Variants in CIITA observed in about 807,000 individuals in gnomAD.
The protein encoded by CIITA is MHC class II transactivator.
A neutral mutation model predicts 115.1 loss-of-function variants in CIITA; 72 were observed. The ratio of observed to expected loss-of-function variants is 0.63; its 90% CI spans 0.52 to 0.76. The LOEUF (loss-of-function observed/expected upper bound fraction) is 0.76. Among genes scored for constraint, CIITA ranks in the 30% least tolerant of loss-of-function variants. The pLI is 0.00. For synonymous variants in CIITA, 763 were observed against 635.6 expected, an observed-to-expected ratio of 1.20 and a Z score of -3.02; for missense variants, 1,617 against 1,463.8, an observed-to-expected ratio of 1.10 and a Z score of -1.71.
intron 1 of CIITA, among the ~76,000 whole-genome samples, chr16:10,885,953 G>A (rs1274729621): frequency 6.6e-6 from 1 of 151,806 alleles, no homozygotes; most frequent in East Asian, 1.9e-4. Flanking sequence ...TCACATGAGG[G>A]TTTTCTCTTC....
In CIITA at chr16:10,907,258, A is replaced by C; in HGVS notation, c.1766A>C (p.Glu589Ala). 1 of 1,613,304 alleles carries C rather than the reference A, an allele frequency of 6.2e-7. No homozygotes were observed. Among genetic ancestry groups the C allele is most frequent in the Non-Finnish European group, 8.5e-7 (1 of 1,179,948 alleles). Residue 589 changes from glutamate to alanine, a missense_variant, in exon 11 of 20, where the codon GAG becomes GCG. Glu to Ala is a moderately radical substitution (Grantham distance 107). Coordinates refer to ENST00000324288, the MANE Select transcript of CIITA (RefSeq NM_000246.4). This position sits in a 1 kb window ranked among gnomAD's most constrained non-coding sequence, Gnocchi z 5.0. ...MRYFESSGMTEHQDRALTLLR... is the reference protein window; with the variant it reads ...MRYFESSGMTAHQDRALTLLR... ...TACTTTGAGAGCTCAGGGATGACAG[A>C]GCACCAAGACAGAGCCCTGACGCTC...
upstream of CIITA, among the ~76,000 whole-genome samples, chr16:10,875,965 G>A (rs748412820): frequency 5.3e-5 from 8 of 152,114 alleles, no homozygotes; most frequent in Admixed American, 1.3e-4. Flanking sequence ...GCGCGACTCC[G>A]TCTCAAAAAA....
chr16:10,880,367 T>G (rs551974073), intron 1 of CIITA, among the ~76,000 whole-genome samples: 16 of 152,332 alleles, frequency 1.1e-4, no homozygotes, highest in African/African-American at 3.6e-4. Context: ...TGTTCGTTTG[T>G]GGGGCAAAAG....
rs768797910 is a variant in CIITA, at chr16:10,925,689, T to C, written c.*1834T>C. On this transcript the variant is annotated 3_prime_UTR_variant, in exon 20 of 20. Coordinates refer to ENST00000324288, the MANE Select transcript of CIITA (RefSeq NM_000246.4). ...ACCCTCCTTTCACCACATGTGCACA[T>C]GCACGTGTGTGCACGTACACACACA... 1 of 152,330 alleles carries C rather than the reference T, an allele frequency of 6.6e-6. No homozygotes were observed. The highest frequency in any genetic ancestry group is 1.5e-5 in the Non-Finnish European group (1 of 68,094). The allele number at this position is 152,330 out of a possible 1,614,324, so 9.4% of individuals were successfully genotyped here. A position where few individuals can be genotyped will look rare whatever the true frequency, so the allele number is the denominator to read the frequency against.
At chr16:10,893,839 A>T (rs2037848470) in intron 1 of CIITA, among the ~76,000 whole-genome samples, 1 of 137,430 alleles carries the variant, frequency 7.3e-6, no homozygotes, top group Non-Finnish European at 1.6e-5. Flanking sequence ...AAAAAAGTAG[A>T]GTTCAGTGTT....
Position 10,935,205 on chromosome 16 carries a change from G to A in CIITA, c.*11350G>A, listed in dbSNP as rs919677329. 1.3e-5 allele frequency: 2 copies of A among 152,228 alleles called. No homozygotes were observed. The highest frequency in any genetic ancestry group is 2.9e-5 in the Non-Finnish European group (2 of 68,048). 9.4% of individuals were successfully genotyped at this position (152,228 alleles called of 1,614,324 possible). On this transcript the variant is annotated 3_prime_UTR_variant, in exon 20 of 20. Transcript: ENST00000324288. ...ATATGTCCAACTGCAAAGCATGTAA[G>A]TAACAATTTTAGAGGGTATACGGAG...
chr16:10,884,187 G>A (rs1041768685), intron 1 of CIITA, among the ~76,000 whole-genome samples: 3 of 152,156 alleles, frequency 2.0e-5, no homozygotes, highest in African/African-American at 7.2e-5. Flanking sequence ...AAGCCCTTTG[G>A]CTAGGGATTG....
intron 13 of CIITA, among the ~76,000 whole-genome samples, chr16:10,914,005 T>G (rs1030997685): frequency 3.3e-5 from 5 of 149,984 alleles, no homozygotes; most frequent in African/African-American, 1.2e-4. Flanking sequence ...AAAAACTCCA[T>G]CCCCCTCACC....
chr16:10,906,415 T>C, intron 10 of CIITA, 84 bp from the exon 11 acceptor site: 4 of 1,419,650 alleles, frequency 2.8e-6, no homozygotes, highest in Non-Finnish European at 3.9e-6. Flanking sequence ...ATGTAAATGA[T>C]GGTGGCAGTG....
upstream of CIITA, among the ~76,000 whole-genome samples, chr16:10,873,108 G>A (rs2035595531): frequency 6.6e-6 from 1 of 152,168 alleles, no homozygotes; most frequent in Non-Finnish European, 1.5e-5. Flanking sequence ...AAGTAGCTGG[G>A]ACTACAGGCA....
In CIITA at chr16:10,935,009, A is replaced by G. The variant is rs2040969234; in HGVS notation, c.*11154A>G. 1.3e-5 allele frequency: 2 copies of G among 152,288 alleles called. No homozygotes were observed. The highest frequency in any genetic ancestry group is 4.1e-4 in the South Asian group (2 of 4,834). The allele number at this position is 152,288 out of a possible 1,614,324, so 9.4% of individuals were successfully genotyped here. A position where few individuals can be genotyped will look rare whatever the true frequency, so the allele number is the denominator to read the frequency against. The stretch of plus-strand genomic sequence containing the variant: ...CTTCAGGGTCTGACACGCCATTGAC[A>G]CTGACCACGTCATTCATTAAGCAAG... On this transcript the variant is annotated 3_prime_UTR_variant, in exon 20 of 20. Coordinates refer to ENST00000324288, the MANE Select transcript of CIITA (RefSeq NM_000246.4).
chr16:10,918,121 A>G (rs543107473), intron 15 of CIITA, among the ~76,000 whole-genome samples: 2 of 152,352 alleles, frequency 1.3e-5, no homozygotes, highest in South Asian at 4.1e-4. Context: ...CCCGGCAGAA[A>G]GGATTACACA....
intron 15 of CIITA, 123 bp downstream of exon 15, chr16:10,916,582 T>C: frequency 1.2e-6 from 1 of 827,894 alleles, no homozygotes; most frequent in Non-Finnish European, 2.0e-6. Context: ...GGCTAGAATA[T>C]AGTGCTATGA....
chr16:10,918,854 T>G (rs1410750026), intron 16 of CIITA, among the ~76,000 whole-genome samples: 2 of 152,212 alleles, frequency 1.3e-5, no homozygotes, highest in Admixed American at 1.3e-4. Flanking sequence ...CTAGGGGTGG[T>G]GGCTTCTGGA....
At position 10,907,967 on chromosome 16, in the gene CIITA, G is replaced by C. The variant is rs763615964; in HGVS notation, c.2475G>C (p.Val825=). The part of the protein sequence containing the change: ...EAEEAGIWQH[V]VQELPGRLSF... Reference sequence around the variant, plus strand: ...AGGAGGCTGGAATTTGGCAGCACGTGGTACAGGAGCTCCCCGGCCGCCTCT... The same window carrying C: ...AGGAGGCTGGAATTTGGCAGCACGTCGTACAGGAGCTCCCCGGCCGCCTCT... Residue 825 remains valine (V), a synonymous_variant, in exon 11 of 20, where the codon GTG becomes GTC. Coordinates refer to ENST00000324288, the MANE Select transcript of CIITA (RefSeq NM_000246.4). The surrounding 1 kb of genome is among the most constrained non-coding windows in gnomAD (Gnocchi z 5.0). 2.5e-6 allele frequency: 4 copies of C among 1,573,616 alleles called. No homozygotes were observed. The highest frequency in any genetic ancestry group is 3.4e-6 in the Non-Finnish European group (4 of 1,159,790).
chr16:10,894,765 G>A (rs2037951300), intron 1 of CIITA, among the ~76,000 whole-genome samples: 1 of 152,216 alleles, frequency 6.6e-6, no homozygotes, highest in African/African-American at 2.4e-5. Flanking sequence ...TTAAATGCAG[G>A]ACTTCAGTCA....
At position 10,923,438 on chromosome 16, in the gene CIITA, C is replaced by T. The variant is rs950956139; in HGVS notation, c.*22+113C>T. On this transcript the variant is annotated intron_variant, in intron 19 of 19. Transcript: ENST00000324288. The surrounding 1 kb of genome is among the most constrained non-coding windows in gnomAD (Gnocchi z 5.2). The stretch of plus-strand genomic sequence containing the variant: ...ACACAGGTGGGGCTAGGCCACCACC[C>T]TTGGACGCATGCGTCATCAGAGACA... 3 of 801,838 alleles carry T rather than the reference C, an allele frequency of 3.7e-6. No homozygotes were observed. The highest frequency in any genetic ancestry group is 6.4e-6 in the Non-Finnish European group (3 of 469,382). 49.7% of individuals were successfully genotyped at this position (801,838 alleles called of 1,614,324 possible). A position where few individuals can be genotyped will look rare whatever the true frequency, so the allele number is the denominator to read the frequency against.
chr16:10,877,063 T>C (rs549806205), upstream of CIITA: 2 of 587,288 alleles, frequency 3.4e-6, no homozygotes, highest in Non-Finnish European at 6.1e-6. Context: ...CTTAAGGGAG[T>C]GTGGTAAAAT....
At chr16:10,908,217 C>T in intron 11 of CIITA, 68 bp downstream of exon 11, 1 of 1,526,776 alleles carries the variant, frequency 6.5e-7, no homozygotes, top group Non-Finnish European at 8.9e-7. Context: ...GGTGCCAAGC[C>T]CAGTGCTCTG....
Sources: allele counts gnomAD v4.1 joint callset (sites outside exome capture counted in the v4.1 genomes callset), GRCh38; gene constraint gnomAD v4.1.1; non-coding constraint Gnocchi (gnomAD v3.1); transcripts MANE v1.5; gene names NCBI Gene and HGNC (gene_info 2026-07-23, HGNC 2026-07-21).